Variants in NEGR1 observed in about 807,000 individuals in gnomAD.
The protein encoded by NEGR1 is neuronal growth regulator 1.
In NEGR1, 10 loss-of-function variants were observed where a neutral mutation model predicts 40.9. That is an observed-to-expected ratio of 0.24 (90% confidence interval 0.15 to 0.42). The LOEUF is 0.42. Among genes scored for constraint, NEGR1 ranks in the 10% least tolerant of loss-of-function variants. NEGR1 has a pLI of 1.00. For missense variants in NEGR1, 352 were observed against 438.9 expected, an observed-to-expected ratio of 0.80 and a Z score of 1.77; for synonymous variants, 185 against 166.8, an observed-to-expected ratio of 1.11 and a Z score of -0.84.
At chr1:72,210,331 A>C (rs985832669) in intron 1 of NEGR1, among the ~76,000 whole-genome samples, 1 of 151,876 alleles carries the variant, frequency 6.6e-6, no homozygotes, top group African/African-American at 2.4e-5. Context: ...CCTTGAGTAC[A>C]CATATTTTTA....
At chr1:71,996,456 A>G (rs1278081209) in intron 1 of NEGR1, among the ~76,000 whole-genome samples, 1 of 152,144 alleles carries the variant, frequency 6.6e-6, no homozygotes, top group Admixed American at 6.5e-5. Flanking sequence ...GGACCTAATC[A>G]GTTCCATCAT....
chr1:71,912,060 C>A (rs1450769373), intron 2 of NEGR1, among the ~76,000 whole-genome samples: 2 of 152,064 alleles, frequency 1.3e-5, no homozygotes, highest in Non-Finnish European at 2.9e-5. Context: ...ATGTCTGTGG[C>A]TGTTGTAACA....
chr1:71,684,078 G>T (rs1652935870), intron 4 of NEGR1, among the ~76,000 whole-genome samples: 1 of 152,068 alleles, frequency 6.6e-6, no homozygotes, highest in South Asian at 2.1e-4. Flanking sequence ...AGACAATCCT[G>T]GCTAACACGG....
chr1:72,152,263 G>A (rs561580002), intron 1 of NEGR1, among the ~76,000 whole-genome samples: 35 of 151,682 alleles, frequency 2.3e-4, no homozygotes, highest in African/African-American at 5.6e-4. Flanking sequence ...ACAATATTTC[G>A]TTAAAGAAGA....
At chr1:71,556,746 T>C (rs1648266694) in intron 6 of NEGR1, among the ~76,000 whole-genome samples, 1 of 151,474 alleles carries the variant, frequency 6.6e-6, no homozygotes. Flanking sequence ...GGGAGATTTA[T>C]ACTCCCAAAA....
chr1:71,875,996 T>G (rs1448710436), intron 2 of NEGR1, among the ~76,000 whole-genome samples: 1 of 152,114 alleles, frequency 6.6e-6, no homozygotes, highest in Non-Finnish European at 1.5e-5. Flanking sequence ...TTTTTCTTAT[T>G]TAGTCTTAAT....
At chr1:71,980,352 T>C (rs1384721933) in intron 1 of NEGR1, among the ~76,000 whole-genome samples, 1 of 152,182 alleles carries the variant, frequency 6.6e-6, no homozygotes, top group Non-Finnish European at 1.5e-5. Flanking sequence ...ATGCACTGCA[T>C]TGTGGTATAT....
chr1:72,106,013 A>G (rs1649121351), intron 1 of NEGR1, among the ~76,000 whole-genome samples: 1 of 152,130 alleles, frequency 6.6e-6, no homozygotes, highest in Admixed American at 6.6e-5. Context: ...GCCCTAGAAT[A>G]AGTAAGATCT....
intron 6 of NEGR1, among the ~76,000 whole-genome samples, chr1:71,445,785 C>G (rs1646578010): frequency 6.6e-6 from 1 of 152,152 alleles, no homozygotes; most frequent in South Asian, 2.1e-4. Context: ...GGCCAGCGGT[C>G]AAGTACAATT....
chr1:71,474,207 A>G (rs781424231), intron 6 of NEGR1, among the ~76,000 whole-genome samples: 1 of 152,024 alleles, frequency 6.6e-6, no homozygotes, highest in Non-Finnish European at 1.5e-5. Context: ...GGTGAAAGAA[A>G]CAATGGAGAA....
chr1:72,049,531 A>C (rs538455044), intron 1 of NEGR1, among the ~76,000 whole-genome samples: 8 of 151,788 alleles, frequency 5.3e-5, no homozygotes, highest in Admixed American at 4.6e-4. Context: ...TAAGCATATA[A>C]AATTGTAGCA....
intron 2 of NEGR1, among the ~76,000 whole-genome samples, chr1:71,915,593 T>C (rs1050056717): frequency 6.6e-6 from 1 of 152,166 alleles, no homozygotes; most frequent in Admixed American, 6.5e-5. Flanking sequence ...GTGGGTTTCA[T>C]TCTCCACAAA....
intron 2 of NEGR1, among the ~76,000 whole-genome samples, chr1:71,814,484 T>C (rs902779823): frequency 3.3e-5 from 5 of 152,038 alleles, no homozygotes; most frequent in African/African-American, 1.2e-4. Flanking sequence ...TCAGAAAAAA[T>C]GGTACCAGCT....
intron 1 of NEGR1, among the ~76,000 whole-genome samples, chr1:72,157,869 C>T (rs1416851943): frequency 4.6e-5 from 7 of 152,160 alleles, no homozygotes; most frequent in African/African-American, 1.4e-4. Flanking sequence ...ATTACTGCTG[C>T]ATACCTACTT....
At chr1:71,475,303 T>A (rs1033022042) in intron 6 of NEGR1, among the ~76,000 whole-genome samples, 2 of 152,074 alleles carry the variant, frequency 1.3e-5, no homozygotes, top group Non-Finnish European at 2.9e-5. Flanking sequence ...TTGAAAAATG[T>A]GATTTAAACC....
chr1:71,929,644 G>A (rs1368029913), intron 2 of NEGR1, among the ~76,000 whole-genome samples: 1 of 151,318 alleles, frequency 6.6e-6, no homozygotes, highest in Non-Finnish European at 1.5e-5. Flanking sequence ...TTGACTTGTT[G>A]AAAATTTTGA....
intron 2 of NEGR1, among the ~76,000 whole-genome samples, chr1:71,859,512 G>T (rs1659879257): frequency 6.6e-6 from 1 of 151,988 alleles, no homozygotes; most frequent in South Asian, 2.1e-4. Flanking sequence ...ACACTGTAGA[G>T]TTTTGGTTGC....
At chr1:71,823,325 C>A (rs1381995890) in intron 2 of NEGR1, among the ~76,000 whole-genome samples, 5 of 151,612 alleles carry the variant, frequency 3.3e-5, no homozygotes, top group African/African-American at 7.3e-5. Context: ...AAATATGATC[C>A]CAAATTATTT....
At chr1:71,583,848 C>A (rs921713540) in intron 6 of NEGR1, among the ~76,000 whole-genome samples, 1 of 152,144 alleles carries the variant, frequency 6.6e-6, no homozygotes, top group Admixed American at 6.6e-5. Flanking sequence ...TGATCTGCCT[C>A]ACTAATTAAG....
Sources: gnomAD v4.1 joint callset for allele counts (sites outside exome capture counted in the v4.1 genomes callset) on GRCh38, gnomAD v4.1.1 for gene constraint, MANE v1.5 for transcripts, NCBI Gene and HGNC (gene_info 2026-07-23, HGNC 2026-07-21) for gene names.